KIAA1671: variants seen among roughly 807,000 people sequenced by gnomAD.
KIAA1671 encodes the protein uncharacterized protein KIAA1671.
A neutral mutation model predicts 131.2 loss-of-function variants in KIAA1671; 52 were observed. The observed-to-expected ratio is 0.40, with a 90% CI of 0.32 to 0.50. The LOEUF is 0.50. KIAA1671 is among the 20% of genes least tolerant of loss of function. The pLI is 0.73. For missense variants in KIAA1671, 2,360 were observed against 2,364.2 expected (o/e 1.00, Z 0.04); for synonymous variants, 1,003 against 961.6 (o/e 1.04, Z -0.80).
intron 6 of KIAA1671, among the ~76,000 whole-genome samples, chr22:25,148,699 T>C (rs780918345): frequency 6.6e-5 from 10 of 152,256 alleles, no homozygotes; most frequent in Admixed American, 1.3e-4. Flanking sequence ...ATTTTTGCCC[T>C]TCAGAGCCTT....
rs1930244737 is a variant in KIAA1671 at position 25,093,826 on chromosome 22, C to CTG, written c.4530+44463_4530+44464insGT. 7.8e-5 allele frequency among the ~76,000 whole-genome samples: 7 copies of CTG among 89,362 alleles called. 1 individual carries two copies. The highest frequency in any genetic ancestry group is 4.5e-4 in the Admixed American group (4 of 8,882). The allele number at this position is 89,362 out of a possible 152,430, so 58.6% of individuals were successfully genotyped here. The stretch of plus-strand genomic sequence containing the variant: ...TCTCTCTCTCTGTCTCTCTCTCTTT[C>CTG]TCTCTCTGTCTGTCTCTCTCTCTCT... On this transcript the variant is annotated intron_variant, in intron 6 of 12. Transcript: ENST00000358431.
In KIAA1671 at chr22:25,028,215, G is replaced by T. The variant is rs941638668; in HGVS notation, c.216G>T (p.Ser72=). 1.3e-6 allele frequency: 2 copies of T among 1,551,146 alleles called. No homozygotes were observed. Among genetic ancestry groups the T allele is most frequent in the Non-Finnish European group, 1.7e-6 (2 of 1,146,714 alleles). ...PLPRLAPKPF[S]KEQDVKSPVP... is the part of the protein sequence containing the mutation. The stretch of plus-strand genomic sequence containing the variant: ...CAAGGCTCGCCCCCAAACCCTTCTC[G>T]AAGGAGCAGGACGTGAAATCTCCTG... The change falls in exon 3 of 13, where the codon TCG becomes TCT. Residue 72 remains serine (S), a synonymous_variant. Coordinates refer to ENST00000358431, the MANE Select transcript of KIAA1671 (RefSeq NM_001145206.2).
chr22:25,091,118 C>T (rs947792232), intron 6 of KIAA1671, among the ~76,000 whole-genome samples: 9 of 152,024 alleles, frequency 5.9e-5, no homozygotes, highest in African/African-American at 1.9e-4. Flanking sequence ...AGTACAGTGG[C>T]GTGATTTTGG....
In KIAA1671 at chr22:25,039,619, C is replaced by T. The variant is rs943917496; in HGVS notation, c.2489C>T (p.Ser830Leu). ...PKWTGGAVVS[S>L]HKATVAVSEE... ...TGGACAGGCGGGGCAGTGGTGAGCT[C>T]GCACAAAGCCACCGTGGCAGTCAGC... is the stretch of plus-strand genomic sequence containing the variant. The change falls in exon 5 of 13, where the codon TCG (serine) becomes TTG (leucine). Residue 830 changes from serine to leucine, a missense_variant. Coordinates refer to ENST00000358431, the MANE Select transcript of KIAA1671 (RefSeq NM_001145206.2). The T allele has an allele frequency of 7.1e-6, 11 of 1,549,990 alleles. No individual in the cohort carries two copies. Among genetic ancestry groups the T allele is most frequent in the African/African-American group, 2.7e-5 (2 of 73,036 alleles).
In KIAA1671 at chr22:25,041,182, C is replaced by G; in HGVS notation, c.4052C>G (p.Ser1351Cys). Residue 1351 changes from serine (S) to cysteine (C), a missense_variant, in exon 5 of 13, where the codon TCT (serine) becomes TGT (cysteine). By Grantham distance (112) the Ser-to-Cys change is moderately radical. Coordinates refer to ENST00000358431, the MANE Select transcript of KIAA1671 (RefSeq NM_001145206.2). ...CQNYLAESKP[S>C]GREDPGSGVR... ...AATTACCTGGCTGAGTCAAAGCCCT[C>G]TGGTCGGGAGGATCCAGGCAGTGGG... 1.9e-6 allele frequency: 3 copies of G among 1,551,786 alleles called. No individual in the cohort carries two copies. The highest frequency in any genetic ancestry group is 2.0e-5 in the Admixed American group (1 of 51,016).
At chr22:25,170,747 T>G in intron 6 of KIAA1671, 73 bp from the exon 7 acceptor site, 46 of 1,440,758 alleles carry the variant, frequency 3.2e-5, no homozygotes, top group Non-Finnish European at 4.3e-5. Context: ...GCGATCTGAT[T>G]TGTGTGTCAG....
intron 1 of KIAA1671, among the ~76,000 whole-genome samples, chr22:24,995,919 CA>C (rs546122265): frequency 1.3e-5 from 2 of 152,216 alleles, no homozygotes; most frequent in Non-Finnish European, 2.9e-5. Context: ...AACAGTTGTA[CA>C]GAGGGATACA....
intron 6 of KIAA1671, chr22:25,109,945 C>T (rs551147536): frequency 6.6e-6 from 1 of 152,274 alleles, no homozygotes; most frequent in Admixed American, 6.5e-5. Context: ...TGGTGAAACC[C>T]TGTCTCTACA....
At chr22:25,037,024 G>T (rs1373014303) in intron 4 of KIAA1671, among the ~76,000 whole-genome samples, 1 of 152,108 alleles carries the variant, frequency 6.6e-6, no homozygotes, top group Admixed American at 6.5e-5. Context: ...TAAAATTTAC[G>T]TATTAAAATA....
At chr22:24,972,359 T>C (rs1922663619) in intron 1 of KIAA1671, among the ~76,000 whole-genome samples, 1 of 152,202 alleles carries the variant, frequency 6.6e-6, no homozygotes, top group South Asian at 2.1e-4. Flanking sequence ...ACCCATTCAG[T>C]CTTCTGTCTA....
At chr22:25,010,499 G>T (rs533315829) in intron 1 of KIAA1671, 2 of 152,258 alleles carry the variant, frequency 1.3e-5, no homozygotes, top group African/African-American at 2.4e-5. Flanking sequence ...CACATTTATT[G>T]TGCATTTGTA....
chr22:25,049,467 A>AC (rs1261858107), intron 6 of KIAA1671, 103 bp downstream of exon 6: 14 of 1,360,902 alleles, frequency 1.0e-5, no homozygotes, highest in Non-Finnish European at 1.4e-5. Flanking sequence ...CAGGGCCCTG[A>AC]CGGGGTTGAG....
At chr22:25,134,630 G>A (rs1932591563) in intron 6 of KIAA1671, among the ~76,000 whole-genome samples, 1 of 152,162 alleles carries the variant, frequency 6.6e-6, no homozygotes, top group African/African-American at 2.4e-5. Flanking sequence ...GAGCAATAAA[G>A]CTCAGATCAC....
At chr22:25,161,012 C>A (rs1459245046) in intron 6 of KIAA1671, among the ~76,000 whole-genome samples, 2 of 152,106 alleles carry the variant, frequency 1.3e-5, no homozygotes, top group African/African-American at 4.8e-5. Flanking sequence ...GTCTGCCCAG[C>A]CTCATATCCC....
intron 3 of KIAA1671, among the ~76,000 whole-genome samples, chr22:25,030,206 TTTGGTTAATAATGATGTTCTAAGTCAG>T (rs1926207328): frequency 1.3e-5 from 2 of 152,162 alleles, no homozygotes; most frequent in African/African-American, 4.8e-5. Flanking sequence ...TTCTAAGTCA[TTTGGTTAATAATGATGTTCTAAGTCAG>T]TTGGTTAATA....
intron 1 of KIAA1671, among the ~76,000 whole-genome samples, chr22:24,966,508 C>T (rs1922315179): frequency 6.6e-6 from 1 of 152,228 alleles, no homozygotes; most frequent in Non-Finnish European, 1.5e-5. Context: ...GCCTGGGAAG[C>T]TGCCCAAGTT....
intron 6 of KIAA1671, among the ~76,000 whole-genome samples, chr22:25,111,497 C>T (rs1931342473): frequency 6.6e-6 from 1 of 152,234 alleles, no homozygotes; most frequent in Non-Finnish European, 1.5e-5. Context: ...CTGATGTCAT[C>T]CCGGGCTGCT....
Position 25,141,294 on chromosome 22 carries a change from A to G in KIAA1671, c.4531-29526A>G, listed in dbSNP as rs572739689. On this transcript the variant is annotated intron_variant, in intron 6 of 12. Coordinates refer to ENST00000358431, the MANE Select transcript of KIAA1671 (RefSeq NM_001145206.2). ...GTCGCCCAGGCTGGAGTGCAGTGGC[A>G]TAATCTCGGCTCACTGAAAGCTCTG... is the stretch of plus-strand genomic sequence containing the variant. Among the ~76,000 whole-genome samples the G allele has an allele frequency of 4.9e-4, 75 of 152,060 alleles. 1 individual carries two copies. Among genetic ancestry groups the G allele is most frequent in the African/African-American group, 1.8e-3 (74 of 41,478 alleles).
intron 6 of KIAA1671, chr22:25,112,613 G>C: frequency 5.1e-6 from 2 of 389,184 alleles, no homozygotes; most frequent in Non-Finnish European, 9.1e-6. Flanking sequence ...CCTGTCCCCT[G>C]TACCTGGGAA....
Sources: allele counts gnomAD v4.1 joint callset (sites outside exome capture counted in the v4.1 genomes callset), GRCh38; gene constraint gnomAD v4.1.1; transcripts MANE v1.5; gene names NCBI Gene and HGNC (gene_info 2026-07-23, HGNC 2026-07-21).